The following FSHR variants were observed in gnomAD, a reference collection of about 807,000 sequenced individuals.
The protein encoded by FSHR is follicle stimulating hormone receptor.
In FSHR, 46 loss-of-function variants were observed where a neutral mutation model predicts 52.1. The ratio of observed to expected loss-of-function variants is 0.88; its 90% confidence interval spans 0.70 to 1.13. The LOEUF (loss-of-function observed/expected upper bound fraction) is 1.13, where lower values mean the gene tolerates loss of function less well. Among genes scored for constraint, FSHR ranks in the 50% most tolerant of loss-of-function variants. FSHR has a pLI of 0.00. For missense variants in FSHR, 964 were observed against 834.6 expected, an observed-to-expected ratio of 1.16 and a Z score of -1.91; for synonymous variants, 399 against 309.6, an observed-to-expected ratio of 1.29 and a Z score of -3.03.
chr2:49,035,011 T>C (rs958851523), intron 2 of FSHR, among the ~76,000 whole-genome samples: 2 of 152,192 alleles, frequency 1.3e-5, no homozygotes, highest in Non-Finnish European at 2.9e-5. Flanking sequence ...CCTCACGCAA[T>C]GCTGCAGATG....
intron 1 of FSHR, among the ~76,000 whole-genome samples, chr2:49,152,550 T>C (rs1039190223): frequency 1.3e-5 from 2 of 152,132 alleles, no homozygotes; most frequent in Non-Finnish European, 2.9e-5. Context: ...TTTTGGCCTA[T>C]GTTTTCTCTG....
intron 1 of FSHR, among the ~76,000 whole-genome samples, chr2:49,108,198 G>A (rs1671300641): frequency 6.6e-6 from 1 of 152,050 alleles, no homozygotes; most frequent in Non-Finnish European, 1.5e-5. Context: ...ACTTTTAACT[G>A]AGATTTACAC....
intron 1 of FSHR, among the ~76,000 whole-genome samples, chr2:49,129,066 A>G (rs886578306): frequency 2.0e-5 from 3 of 147,336 alleles, no homozygotes; most frequent in African/African-American, 5.0e-5. Flanking sequence ...TTTTTCAGTT[A>G]TATGTTTCAA....
At chr2:49,109,303 G>T (rs72879860) in intron 1 of FSHR, among the ~76,000 whole-genome samples, 3,744 of 152,172 alleles carry the variant, frequency 0.025, 140 homozygotes, top group African/African-American at 0.086. Flanking sequence ...CTTGAGAGGG[G>T]AGTTGGTGTG....
chr2:49,038,068 A>T (rs925159101), intron 2 of FSHR, among the ~76,000 whole-genome samples: 2 of 152,188 alleles, frequency 1.3e-5, no homozygotes, highest in Admixed American at 6.5e-5. Flanking sequence ...ATATCAAAAG[A>T]TAATAGAGTT....
intron 2 of FSHR, among the ~76,000 whole-genome samples, chr2:49,021,375 T>C (rs1667690226): frequency 6.6e-6 from 1 of 152,170 alleles, no homozygotes; most frequent in Non-Finnish European, 1.5e-5. Context: ...TGTGCTATTA[T>C]TAGGCCTCCT....
chr2:49,073,802 T>C (rs1572708272), intron 1 of FSHR, among the ~76,000 whole-genome samples: 1 of 151,984 alleles, frequency 6.6e-6, no homozygotes, highest in South Asian at 2.1e-4. Flanking sequence ...TACAAAGCTA[T>C]AGTAACCAAA....
At chr2:49,027,053 C>T (rs950533660) in intron 2 of FSHR, among the ~76,000 whole-genome samples, 2 of 152,196 alleles carry the variant, frequency 1.3e-5, no homozygotes, top group Non-Finnish European at 2.9e-5. Flanking sequence ...TCCCTAGTCA[C>T]GACCCCTGCC....
chr2:49,061,639 ATATATATAAC>A lies in FSHR; in HGVS notation c.224+6570_224+6579del, dbSNP rs1193146308. Among the ~76,000 whole-genome samples the A allele has an allele frequency of 3.9e-4, 56 of 143,150 alleles. 1 individual carries two copies. The East Asian group carries it at 5.6e-3, about 14-fold the overall frequency. The allele number at this position is 143,150 out of a possible 152,430, so 93.9% of individuals were successfully genotyped here. ...ATATATAAAAATACATATATCTATAATATATATAACTATATATAACTATATATTTATAACT... is the reference window on the plus strand; with the variant it reads ...ATATATAAAAATACATATATCTATAATATATATAACTATATATTTATAACT... On this transcript the variant is annotated intron_variant, in intron 2 of 9. Coordinates refer to ENST00000406846, the MANE Select transcript of FSHR (RefSeq NM_000145.4).
chr2:49,097,684 G>C (rs559701114), intron 1 of FSHR, among the ~76,000 whole-genome samples: 1 of 152,296 alleles, frequency 6.6e-6, no homozygotes, highest in South Asian at 2.1e-4. Flanking sequence ...TTCTGAGGCA[G>C]ATCACCCCTG....
At chr2:49,019,219 A>G (rs1667606667) in intron 3 of FSHR, among the ~76,000 whole-genome samples, 1 of 152,212 alleles carries the variant, frequency 6.6e-6, no homozygotes, top group Non-Finnish European at 1.5e-5. Context: ...AAGTTTTCCT[A>G]TAAGAAGCAA....
At chr2:49,077,230 C>G (rs1425011806) in intron 1 of FSHR, among the ~76,000 whole-genome samples, 1 of 152,250 alleles carries the variant, frequency 6.6e-6, no homozygotes, top group African/African-American at 2.4e-5. Context: ...GTGGAGGTTT[C>G]CGAACCTCAA....
chr2:48,971,883 C>G (rs1674757740), intron 8 of FSHR, among the ~76,000 whole-genome samples: 1 of 152,154 alleles, frequency 6.6e-6, no homozygotes, highest in Admixed American at 6.5e-5. Context: ...GCTGGTTCCT[C>G]CATGACCTCC....
Position 48,963,633 on chromosome 2 carries a change from G to A in FSHR, c.1188C>T (p.Val396=). Residue 396 remains valine (V), a synonymous_variant, in exon 10 of 10, where the codon GTC becomes GTT. Coordinates refer to ENST00000406846, the MANE Select transcript of FSHR (RefSeq NM_000145.4). ...CCAGGTTGCACATAAGGAACCTGGGGACTGTGAGTTTATATTGGCTGGTAG... is the reference window on the plus strand; with the variant it reads ...CCAGGTTGCACATAAGGAACCTGGGAACTGTGAGTTTATATTGGCTGGTAG... ...ILTTSQYKLT[V]PRFLMCNLAF... is the part of the protein sequence containing the mutation. The A allele has an allele frequency of 1.9e-6, 3 of 1,614,196 alleles. No homozygotes were observed. Among genetic ancestry groups the A allele is most frequent in the Non-Finnish European group, 2.5e-6 (3 of 1,180,024 alleles).
At position 48,963,441 on chromosome 2, in the gene FSHR, C is replaced by T. The variant is rs1247378122; in HGVS notation, c.1380G>A (p.Leu460=). The part of the protein sequence containing the change: ...VFASELSVYT[L]TAITLERWHT... ...GCCATCTTTCCAAGGTGATAGCTGT[C>T]AGAGTGTAGACTGACAGCTCACTGG... is the stretch of plus-strand genomic sequence containing the variant. Residue 460 remains leucine (L), a synonymous_variant, in exon 10 of 10, where the codon CTG becomes CTA. Coordinates refer to ENST00000406846, the MANE Select transcript of FSHR (RefSeq NM_000145.4). 1.2e-6 allele frequency: 2 copies of T among 1,614,128 alleles called. No individual in the cohort carries two copies. The highest frequency in any genetic ancestry group is 1.1e-5 in the South Asian group (1 of 91,084).
chr2:49,004,188 C>T (rs1667001997), intron 4 of FSHR, among the ~76,000 whole-genome samples: 2 of 152,298 alleles, frequency 1.3e-5, no homozygotes, highest in South Asian at 4.1e-4. Context: ...ATATCATTTC[C>T]ACATCCAGTG....
intron 2 of FSHR, among the ~76,000 whole-genome samples, chr2:49,035,991 C>G (rs557217538): frequency 3.3e-5 from 5 of 152,308 alleles, no homozygotes; most frequent in Admixed American, 2.6e-4. Context: ...AAAAGTTCAG[C>G]AACACTTCTC....
intron 1 of FSHR, among the ~76,000 whole-genome samples, chr2:49,117,402 A>C (rs533185686): frequency 6.6e-6 from 1 of 152,326 alleles, no homozygotes; most frequent in South Asian, 2.1e-4. Context: ...TATCAGGATA[A>C]TAATAGTGTA....
chr2:48,982,956 T>C lies in FSHR; in HGVS notation c.624A>G (p.Glu208=). The C allele has an allele frequency of 6.2e-7, 1 of 1,614,140 alleles. No homozygotes were observed. Residue 208 remains glutamate (E), a synonymous_variant, in exon 8 of 10, where the codon GAA becomes GAG. Coordinates refer to ENST00000406846, the MANE Select transcript of FSHR (RefSeq NM_000145.4). ...LNLSDNNNLE[E]LPNDVFHGAS... ...CTCCGTGGAAAACATCATTAGGCAA[T>C]TCTTCTAAATTATTATTATCGCTTA... is the stretch of plus-strand genomic sequence containing the variant.
Sources: gnomAD v4.1 joint callset for allele counts (sites outside exome capture counted in the v4.1 genomes callset) on GRCh38, gnomAD v4.1.1 for gene constraint, MANE v1.5 for transcripts, NCBI Gene and HGNC (gene_info 2026-07-23, HGNC 2026-07-21) for gene names.